Variants in TBL1XR1 observed in about 807,000 individuals in gnomAD.
TBL1XR1 encodes TBL1X/Y related 1.
In TBL1XR1, 5 loss-of-function variants were observed where a neutral mutation model predicts 66.9. The observed-to-expected ratio is 0.07, with a 90% confidence interval of 0.04 to 0.16. The LOEUF (loss-of-function observed/expected upper bound fraction) is 0.16, where lower values mean the gene tolerates loss of function less well. Among genes scored for constraint, TBL1XR1 ranks in the 10% least tolerant of loss-of-function variants. The pLI is 1.00. For synonymous variants in TBL1XR1, 210 were observed against 206.0 expected, an observed-to-expected ratio of 1.02 and a Z score of -0.17; for missense variants, 238 against 623.2, an observed-to-expected ratio of 0.38 and a Z score of 6.58.
chr3:177,179,512 T>C (rs1734556342), intron 1 of TBL1XR1, among the ~76,000 whole-genome samples: 1 of 152,178 alleles, frequency 6.6e-6, no homozygotes, highest in Admixed American at 6.6e-5. Context: ...GTCATGGCAT[T>C]TTGCAAATAT....
At chr3:177,050,412 C>T (rs1341137983) in intron 6 of TBL1XR1, 66 bp downstream of exon 6, 16 of 1,564,602 alleles carry the variant, frequency 1.0e-5, no homozygotes, top group Non-Finnish European at 1.4e-5. Context: ...CTGAATAATG[C>T]ATATGTTTAT....
intron 2 of TBL1XR1, among the ~76,000 whole-genome samples, chr3:177,066,150 A>AAC (rs1719137802): frequency 6.6e-6 from 1 of 152,166 alleles, no homozygotes; most frequent in African/African-American, 2.4e-5. Flanking sequence ...TGATACAGTT[A>AAC]GCAGATTTTT....
At chr3:177,196,593 G>A (rs1010693901) in intron 1 of TBL1XR1, 2 of 150,106 alleles carry the variant, frequency 1.3e-5, no homozygotes, top group Non-Finnish European at 1.5e-5. Flanking sequence ...CCCGGGGAGG[G>A]GAGATTTCCA....
chr3:177,049,604 C>T (rs1716776685), intron 7 of TBL1XR1, among the ~76,000 whole-genome samples: 1 of 152,030 alleles, frequency 6.6e-6, no homozygotes, highest in Non-Finnish European at 1.5e-5. Flanking sequence ...ACACAGAATT[C>T]TTTTATCCCC....
chr3:177,031,191 T>G (rs1396004706), intron 14 of TBL1XR1, among the ~76,000 whole-genome samples: 1 of 152,118 alleles, frequency 6.6e-6, no homozygotes, highest in African/African-American at 2.4e-5. Context: ...AAAGTTAAAC[T>G]AAAATTTAGG....
At chr3:177,109,462 T>G (rs1725292963) in intron 1 of TBL1XR1, among the ~76,000 whole-genome samples, 1 of 152,082 alleles carries the variant, frequency 6.6e-6, no homozygotes, top group African/African-American at 2.4e-5. Flanking sequence ...AGATTTGTCC[T>G]GCAGTAGACA....
intron 1 of TBL1XR1, among the ~76,000 whole-genome samples, chr3:177,159,648 T>C (rs1023196884): frequency 6.6e-6 from 1 of 152,060 alleles, no homozygotes; most frequent in East Asian, 1.9e-4. Context: ...AAAAATCAGG[T>C]AGGAAAAGAA....
intron 1 of TBL1XR1, among the ~76,000 whole-genome samples, chr3:177,107,912 G>A (rs1725080924): frequency 6.6e-6 from 1 of 151,726 alleles, no homozygotes; most frequent in Non-Finnish European, 1.5e-5. Context: ...TTATTTTGCA[G>A]GCCATTTGGT....
At chr3:177,066,403 C>T (rs188279010) in intron 2 of TBL1XR1, among the ~76,000 whole-genome samples, 11 of 151,926 alleles carry the variant, frequency 7.2e-5, no homozygotes, top group Middle Eastern at 3.4e-3. Flanking sequence ...AGGAGGGGCA[C>T]GAAAACAAGG....
chr3:177,047,097 G>T (rs1374301898), intron 9 of TBL1XR1, among the ~76,000 whole-genome samples: 1 of 152,132 alleles, frequency 6.6e-6, no homozygotes, highest in Non-Finnish European at 1.5e-5. Flanking sequence ...AAAATTAAAA[G>T]TGTTCACATA....
chr3:177,047,446 T>C, intron 8 of TBL1XR1, 40 bp downstream of exon 8: 1 of 1,608,372 alleles, frequency 6.2e-7, no homozygotes, highest in Non-Finnish European at 8.5e-7. Context: ...TTTCTATCTT[T>C]AGATCAACAA....
rs1250453054 is a variant in TBL1XR1, at chr3:177,054,893, CTT to C, written c.59-977_59-976del. On this transcript the variant is annotated intron_variant, in intron 3 of 15. Transcript: ENST00000457928. ...TAAAAATCTCTTTATGTTGGCCTTGCTTTTTATTAATATCTAGTCAAAATTCA... is the reference window on the plus strand; with the variant it reads ...TAAAAATCTCTTTATGTTGGCCTTGCTTTATTAATATCTAGTCAAAATTCA... Among the ~76,000 whole-genome samples, 3 of 152,178 alleles carry C rather than the reference CTT, an allele frequency of 2.0e-5. No homozygotes were observed. The East Asian group carries it at 5.8e-4, about 29-fold the overall frequency.
chr3:177,180,255 A>G (rs1382096371), intron 1 of TBL1XR1, among the ~76,000 whole-genome samples: 1 of 140,056 alleles, frequency 7.1e-6, no homozygotes, highest in Non-Finnish European at 1.6e-5. Context: ...AAAAAAAAAA[A>G]AAGCATACCC....
At chr3:177,068,998 T>A (rs1249461624) in intron 2 of TBL1XR1, among the ~76,000 whole-genome samples, 2 of 152,232 alleles carry the variant, frequency 1.3e-5, no homozygotes, top group Admixed American at 1.3e-4. Context: ...TTACTTTTCC[T>A]TCTCTCTTTC....
At chr3:177,169,426 G>A (rs1312388623) in intron 1 of TBL1XR1, among the ~76,000 whole-genome samples, 1 of 152,094 alleles carries the variant, frequency 6.6e-6, no homozygotes, top group East Asian at 1.9e-4. Flanking sequence ...CTATCACAAG[G>A]GTTCCAGGAA....
At chr3:177,194,622 T>G (rs1416665616) in intron 1 of TBL1XR1, among the ~76,000 whole-genome samples, 1 of 152,202 alleles carries the variant, frequency 6.6e-6, no homozygotes, top group Non-Finnish European at 1.5e-5. Flanking sequence ...CACTGATAGA[T>G]TTAATCAACA....
At chr3:177,166,897 G>A (rs772875811) in intron 1 of TBL1XR1, among the ~76,000 whole-genome samples, 2 of 152,164 alleles carry the variant, frequency 1.3e-5, no homozygotes, top group Non-Finnish European at 2.9e-5. Flanking sequence ...CATTGCTGGT[G>A]CAATCACAAA....
At chr3:177,174,408 C>CAAAAAAA (rs59132617) in intron 1 of TBL1XR1, among the ~76,000 whole-genome samples, 2 of 58,300 alleles carry the variant, frequency 3.4e-5, no homozygotes, top group Non-Finnish European at 6.1e-5. Context: ...GACTCCATCT[C>CAAAAAAA]AAAAAAAAAA....
At chr3:177,096,300 CTCCT>C (rs1723465100) in intron 2 of TBL1XR1, among the ~76,000 whole-genome samples, 1 of 144,682 alleles carries the variant, frequency 6.9e-6, no homozygotes, top group Non-Finnish European at 1.5e-5. Flanking sequence ...TAATCTTGGT[CTCCT>C]TCATCTCTAA....
Sources: gnomAD v4.1 joint callset for allele counts (sites outside exome capture counted in the v4.1 genomes callset) on GRCh38, gnomAD v4.1.1 for gene constraint, MANE v1.5 for transcripts, NCBI Gene and HGNC (gene_info 2026-07-23, HGNC 2026-07-21) for gene names.